The following SIGLEC11 variants were observed in gnomAD, a reference collection of about 807,000 sequenced individuals.
SIGLEC11 encodes sialic acid binding Ig like lectin 11.
SIGLEC11 carries 47 observed loss-of-function variants against 61.2 expected under a neutral mutation model. That is an observed-to-expected ratio of 0.77 (90% CI 0.61 to 0.98). SIGLEC11 has a LOEUF of 0.98. Ranked by LOEUF, SIGLEC11 falls within the 50% of genes least tolerant of loss-of-function variation. SIGLEC11 has a pLI of 0.00. For missense variants in SIGLEC11, 610 were observed against 870.3 expected (o/e 0.70, Z 3.76); for synonymous variants, 278 against 373.1 (o/e 0.75, Z 2.94).
In SIGLEC11 at chr19:49,958,348, C is replaced by T; in HGVS notation, c.1586G>A (p.Arg529Lys). The T allele has an allele frequency of 6.2e-7, 1 of 1,614,246 alleles. No individual in the cohort carries two copies. Among genetic ancestry groups the T allele is most frequent in the Non-Finnish European group, 8.5e-7 (1 of 1,180,046 alleles). Residue 529 changes from arginine to lysine, a missense_variant, in exon 8 of 11, where the codon AGG becomes AAG. Coordinates refer to ENST00000447370, the MANE Select transcript of SIGLEC11 (RefSeq NM_052884.3). ...SLHGGLSSGL[R>K]LRCKAWNVHG... The stretch of plus-strand genomic sequence containing the variant: ...GACGTTCCAGGCCTTACAGCGGAGC[C>T]TGAGGCCGGAGCTGAGCCCTCCATG...
rs760537871 is a variant in SIGLEC11 at position 49,958,394 on chromosome 19, C to T, written c.1540G>A (p.Ala514Thr). The stretch of plus-strand genomic sequence containing the variant: ...CCATGGAGGCTCAGGGAGCTGTTGG[C>T]CCAGGGCCCGGCTGAGCTGGGGGTG... ...EVTPSSAGPW[A>T]NSSLSLHGGL... Residue 514 changes from alanine (A) to threonine (T), a missense_variant, in exon 8 of 11, where the codon GCC becomes ACC. Transcript: ENST00000447370. 17 of 1,614,136 alleles carry T rather than the reference C, an allele frequency of 1.1e-5. No individual in the cohort carries two copies. Among genetic ancestry groups the T allele is most frequent in the Non-Finnish European group, 1.4e-5 (16 of 1,180,016 alleles).
At chr19:49,957,548 T>G (rs1247824342) in intron 8 of SIGLEC11, among the ~76,000 whole-genome samples, 1 of 152,212 alleles carries the variant, frequency 6.6e-6, no homozygotes, top group Non-Finnish European at 1.5e-5. Flanking sequence ...GACAAATTCT[T>G]TTACTGTTAC....
In SIGLEC11 at chr19:49,955,275, G is replaced by C. The variant is rs1417648600; in HGVS notation, c.1652-2881C>G. ...CCTCTCCTCAGCCTGGCTCTATCTGGAAAAAGAGCGGGGCGGGGACTGGCC... is the reference window on the plus strand; with the variant it reads ...CCTCTCCTCAGCCTGGCTCTATCTGCAAAAAGAGCGGGGCGGGGACTGGCC... On this transcript the variant is annotated intron_variant, in intron 8 of 10. Transcript: ENST00000447370. The surrounding 1 kb of genome is among the most constrained non-coding windows in gnomAD (Gnocchi z 4.5). Among the ~76,000 whole-genome samples, 2 of 127,042 alleles carry C rather than the reference G, an allele frequency of 1.6e-5. No individual in the cohort carries two copies. Among genetic ancestry groups the C allele is most frequent in the Admixed American group, 1.8e-4 (2 of 11,400 alleles). The allele number at this position is 127,042 out of a possible 152,430, so 83.3% of individuals were successfully genotyped here.
At position 49,958,918 on chromosome 19, in the gene SIGLEC11, A is replaced by C; in HGVS notation, c.1106-18T>G. 6.2e-7 allele frequency: 1 copy of C among 1,604,040 alleles called. No homozygotes were observed. On this transcript the variant is annotated intron_variant, in intron 6 of 10. Coordinates refer to ENST00000447370, the MANE Select transcript of SIGLEC11 (RefSeq NM_052884.3). ...TTCCAGGACTAGGGAAGGAAGAGGC[A>C]GAATCGACGTGCAGCTCAGGGCTCA...
Position 49,958,425 on chromosome 19 carries a change from G to C in SIGLEC11, c.1509C>G (p.Phe503Leu), listed in dbSNP as rs377108269. 5.0e-6 allele frequency: 8 copies of C among 1,613,868 alleles called. No homozygotes were observed. The highest frequency in any genetic ancestry group is 3.3e-5 in the South Asian group (3 of 91,074). Residue 503 changes from phenylalanine to leucine, a missense_variant, in exon 8 of 11, where the codon TTC (phenylalanine) becomes TTG (leucine). Physicochemically the swap from Phe to Leu is conservative, Grantham distance 22. Around this residue, in one of 6 missense-constraint regions of SIGLEC11, gnomAD observed 432 missense variants for 441.5 expected, o/e 0.98. Coordinates refer to ENST00000447370, the MANE Select transcript of SIGLEC11 (RefSeq NM_052884.3). ...GCCCGGCTGAGCTGGGGGTGACCTC[G>C]AAGGAGCCCTGACTGCTGTTCCCCT... ...LLEGNSSQGS[F>L]EVTPSSAGPW...
At position 49,950,166 on chromosome 19, in the gene SIGLEC11, G is replaced by A. The variant is rs762164179; in HGVS notation, c.1901C>T (p.Pro634Leu). The change falls in exon 11 of 11, where the codon CCG becomes CTG. Residue 634 changes from proline to leucine, a missense_variant. Transcript: ENST00000447370. ...GAGCTCCTGCTCTTCCCCCTTCCCCGGGGTGTAGGTGGCTGCACCTGGGGG... is the reference window on the plus strand; with the variant it reads ...GAGCTCCTGCTCTTCCCCCTTCCCCAGGGTGTAGGTGGCTGCACCTGGGGG... ...HPPPGAATYT[P>L]GKGEEQELHY... 8 of 1,610,474 alleles carry A rather than the reference G, an allele frequency of 5.0e-6. No homozygotes were observed. The highest frequency in any genetic ancestry group is 6.8e-6 in the Non-Finnish European group (8 of 1,179,340).
At position 49,951,748 on chromosome 19, in the gene SIGLEC11, G is replaced by C. The variant is rs2122880196; in HGVS notation, c.1830+143C>G. ...GGGGAGGGTGCCTCCCAGATCATGGGACTTGGGACTGCATTGATGGGGACC... is the reference window on the plus strand; with the variant it reads ...GGGGAGGGTGCCTCCCAGATCATGGCACTTGGGACTGCATTGATGGGGACC... On this transcript the variant is annotated intron_variant, in intron 10 of 10. Transcript: ENST00000447370. The surrounding 1 kb of genome is among the most constrained non-coding windows in gnomAD (Gnocchi z 4.6). 1 of 651,630 alleles carries C rather than the reference G, an allele frequency of 1.5e-6. No homozygotes were observed. Among genetic ancestry groups the C allele is most frequent in the South Asian group, 2.3e-5 (1 of 42,856 alleles). The allele number at this position is 651,630 out of a possible 1,614,324, so 40.4% of individuals were successfully genotyped here. A position where few individuals can be genotyped will look rare whatever the true frequency, so the allele number is the denominator to read the frequency against.
chr19:49,953,751 C>T (rs1025022992), intron 8 of SIGLEC11, among the ~76,000 whole-genome samples: 14 of 151,940 alleles, frequency 9.2e-5, no homozygotes, highest in Admixed American at 6.6e-5. Flanking sequence ...TGAAAACTCC[C>T]GTAATAGGAG....
chr19:49,950,144 C>G lies in SIGLEC11; in HGVS notation c.1923G>C (p.Glu641Asp), dbSNP rs1423013730. 6.2e-7 allele frequency: 1 copy of G among 1,612,250 alleles called. No homozygotes were observed. Among genetic ancestry groups the G allele is most frequent in the African/African-American group, 1.3e-5 (1 of 74,436 alleles). Residue 641 changes from glutamate to aspartate, a missense_variant, in exon 11 of 11, where the codon GAG becomes GAC. By Grantham distance (45) the Glu-to-Asp change is conservative (BLOSUM62 2). Transcript: ENST00000447370. ...TYTPGKGEEQELHYASLSFQG... is the reference protein window; with the variant it reads ...TYTPGKGEEQDLHYASLSFQG... ...GGAAGCTGAGGGAGGCATAGTGGAG[C>G]TCCTGCTCTTCCCCCTTCCCCGGGG... is the stretch of plus-strand genomic sequence containing the variant.
intron 10 of SIGLEC11, among the ~76,000 whole-genome samples, chr19:49,950,995 T>A (rs1044519022): frequency 6.6e-6 from 1 of 152,180 alleles, no homozygotes; most frequent in African/African-American, 2.4e-5. Flanking sequence ...AAGGAACCTC[T>A]AATGTAGGGC....
chr19:49,958,257 A>G, intron 8 of SIGLEC11, 26 bp downstream of exon 8: 2 of 1,607,184 alleles, frequency 1.2e-6, no homozygotes, highest in Non-Finnish European at 1.7e-6. Context: ...TTCTCCCTGA[A>G]CCTCAGCCCC....
rs1453199245 is a variant in SIGLEC11 at position 49,955,441 on chromosome 19, A to C, written c.1651+2842T>G. On this transcript the variant is annotated intron_variant, in intron 8 of 10. Coordinates refer to ENST00000447370, the MANE Select transcript of SIGLEC11 (RefSeq NM_052884.3). This position sits in a 1 kb window ranked among gnomAD's most constrained non-coding sequence, Gnocchi z 4.5. Reference sequence around the variant, plus strand: ...AGATCCTACCTAGCCCAAAAAAGTAAGTGTGAAAAAGGAAAAAAGAAAAAT... The same window carrying C: ...AGATCCTACCTAGCCCAAAAAAGTACGTGTGAAAAAGGAAAAAAGAAAAAT... Among the ~76,000 whole-genome samples, 1 of 152,200 alleles carries C rather than the reference A, an allele frequency of 6.6e-6. No homozygotes were observed. The highest frequency in any genetic ancestry group is 1.5e-5 in the Non-Finnish European group (1 of 68,042).
intron 8 of SIGLEC11, 49 bp downstream of exon 8, chr19:49,958,234 G>T: frequency 6.2e-7 from 1 of 1,600,392 alleles, no homozygotes; most frequent in Non-Finnish European, 8.5e-7. Flanking sequence ...ATCTTTCTAG[G>T]ATCCTGTCTC....
At position 49,951,415 on chromosome 19, in the gene SIGLEC11, G is replaced by A. The variant is rs1332071483; in HGVS notation, c.1830+476C>T. ...ATAAACCATCACCACGAGGATCACA[G>A]CTCTCAGTGAGTCCTGCGAGTCCTA... On this transcript the variant is annotated intron_variant, in intron 10 of 10. Coordinates refer to ENST00000447370, the MANE Select transcript of SIGLEC11 (RefSeq NM_052884.3). The surrounding 1 kb of genome is among the most constrained non-coding windows in gnomAD (Gnocchi z 4.6). Among the ~76,000 whole-genome samples, 4 of 152,226 alleles carry A rather than the reference G, an allele frequency of 2.6e-5. No homozygotes were observed. Among genetic ancestry groups the A allele is most frequent in the Non-Finnish European group, 5.9e-5 (4 of 68,032 alleles).
intron 8 of SIGLEC11, among the ~76,000 whole-genome samples, chr19:49,956,905 T>C (rs368790173): frequency 1.3e-3 from 202 of 152,188 alleles, no homozygotes; most frequent in African/African-American, 4.7e-3. Flanking sequence ...TGTAAAAAGT[T>C]CAATCTAACT....
intron 4 of SIGLEC11, 52 bp from the exon 5 acceptor site, chr19:49,959,675 AG>A (rs902487924): frequency 2.3e-4 from 25 of 107,788 alleles, no homozygotes; most frequent in Middle Eastern, 2.2e-3. Context: ...AATGGGTGGG[AG>A]GGGGGGCTGC....
intron 8 of SIGLEC11, among the ~76,000 whole-genome samples, chr19:49,952,926 C>T (rs182959566): frequency 2.0e-5 from 3 of 152,190 alleles, no homozygotes; most frequent in Non-Finnish European, 2.9e-5. Context: ...ATAAAAACCT[C>T]GCTCTGTCTT....
chr19:49,954,766 G>T (rs1475059425), intron 8 of SIGLEC11, among the ~76,000 whole-genome samples: 1 of 152,008 alleles, frequency 6.6e-6, no homozygotes, highest in Non-Finnish European at 1.5e-5. Context: ...CTCTCCCCTG[G>T]CTAAAACCCC....
rs192269876 is a variant in SIGLEC11, at chr19:49,953,674, A to G, written c.1652-1280T>C. On this transcript the variant is annotated intron_variant, in intron 8 of 10. Coordinates refer to ENST00000447370, the MANE Select transcript of SIGLEC11 (RefSeq NM_052884.3). ...GACTAGTGGTGATCTGCGTATGGCT[A>G]ATAGGAGCTGCCCTACAGCTCAGAG... Among the ~76,000 whole-genome samples the G allele has an allele frequency of 6.1e-4, 93 of 151,502 alleles. 1 individual carries two copies. The highest frequency in any genetic ancestry group is 2.2e-3 in the African/African-American group (89 of 40,820).
Sources: allele counts gnomAD v4.1 joint callset (sites outside exome capture counted in the v4.1 genomes callset), GRCh38; gene constraint gnomAD v4.1.1; regional missense constraint gnomAD v4.1.1; non-coding constraint Gnocchi (gnomAD v3.1); transcripts MANE v1.5; gene names NCBI Gene and HGNC (gene_info 2026-07-23, HGNC 2026-07-21).